AKNAD1: variants seen among roughly 807,000 people sequenced by gnomAD.
AKNAD1 encodes AKNA domain containing 1.
A neutral mutation model predicts 90.8 loss-of-function variants in AKNAD1; 67 were observed. That is an observed-to-expected ratio of 0.74 (90% confidence interval 0.61 to 0.90). The LOEUF is 0.90. Ranked by LOEUF, AKNAD1 falls within the 40% of genes least tolerant of loss-of-function variation. AKNAD1 has a pLI of 0.00. For synonymous variants in AKNAD1, 327 were observed against 341.4 expected, an observed-to-expected ratio of 0.96 and a Z score of 0.46; for missense variants, 957 against 975.4, an observed-to-expected ratio of 0.98 and a Z score of 0.25.
rs746242546 is a variant in AKNAD1, at chr1:108,834,985, G to T, written c.1608C>A (p.Pro536=). 4.5e-6 allele frequency: 7 copies of T among 1,563,708 alleles called. No individual in the cohort carries two copies. The South Asian group carries it at 7.1e-5, about 16-fold the overall frequency. ...TGGGGGCCTCCTGCGGCCCTCCTTG[G>T]GGTGTCCCTGTTACCTCACTCCCAC... ...GSGGSEVTGT[P]QGGPQEAPNE... Residue 536 remains proline (P), a synonymous_variant, in exon 8 of 16, where the codon CCC becomes CCA. Transcript: ENST00000370001.
chr1:108,851,572 T>G (rs1664863523), intron 2 of AKNAD1, 100 bp downstream of exon 2: 3 of 1,215,184 alleles, frequency 2.5e-6, no homozygotes, highest in Non-Finnish European at 3.4e-6. Context: ...AATGAAACTT[T>G]GGAACTAGAA....
chr1:108,817,026 G>A (rs1663633918), intron 15 of AKNAD1, 22 bp downstream of exon 15: 1 of 1,612,764 alleles, frequency 6.2e-7, no homozygotes, highest in African/African-American at 1.3e-5. Context: ...AATGCTTCTC[G>A]AATGATTTTC....
chr1:108,836,295 G>T (rs182581063), intron 7 of AKNAD1, among the ~76,000 whole-genome samples: 87 of 152,316 alleles, frequency 5.7e-4, no homozygotes, highest in African/African-American at 1.7e-3. Flanking sequence ...AACTGCTTGG[G>T]TGCCTTGAGA....
upstream of AKNAD1, chr1:108,857,575 C>T (rs1288901509): frequency 1.3e-5 from 2 of 152,660 alleles, no homozygotes; most frequent in African/African-American, 2.4e-5. Context: ...GGATTGTTTT[C>T]ATCACCAAAG....
At chr1:108,857,796 C>A (rs564196668), upstream of AKNAD1, among the ~76,000 whole-genome samples, 79 of 152,344 alleles carry the variant, frequency 5.2e-4, no homozygotes, top group Non-Finnish European at 9.3e-4. Flanking sequence ...ACAAGTCCTA[C>A]ACTTCTAAGA....
At chr1:108,840,523 ATTATAAAGT>A (rs1470976281) in intron 6 of AKNAD1, among the ~76,000 whole-genome samples, 1 of 152,248 alleles carries the variant, frequency 6.6e-6, no homozygotes, top group Non-Finnish European at 1.5e-5. Flanking sequence ...TGGTGAGCTG[ATTATAAAGT>A]TTATTAGTAA....
chr1:108,838,222 G>A (rs907043426), intron 6 of AKNAD1, among the ~76,000 whole-genome samples: 3 of 151,408 alleles, frequency 2.0e-5, no homozygotes, highest in Non-Finnish European at 2.9e-5. Flanking sequence ...AATTTACCTC[G>A]TAACAGTCCA....
intron 10 of AKNAD1, among the ~76,000 whole-genome samples, chr1:108,828,985 C>T (rs1334575800): frequency 6.6e-6 from 1 of 151,796 alleles, no homozygotes; most frequent in Non-Finnish European, 1.5e-5. Flanking sequence ...GCATATTTTA[C>T]ATTTTATACA....
In AKNAD1 at chr1:108,852,170, G is replaced by T. The variant is rs753662116; in HGVS notation, c.495C>A (p.Thr165=). 6.2e-7 allele frequency: 1 copy of T among 1,613,734 alleles called. No individual in the cohort carries two copies. Among genetic ancestry groups the T allele is most frequent in the Non-Finnish European group, 8.5e-7 (1 of 1,179,984 alleles). ...YNKNSWPKEQ[T]PELTDQLNPK... is the part of the protein sequence containing the mutation. Reference sequence around the variant, plus strand: ...GGTTGAGTTGGTCAGTGAGTTCTGGGGTTTGTTCTTTTGGCCAAGAATTCT... The same window carrying T: ...GGTTGAGTTGGTCAGTGAGTTCTGGTGTTTGTTCTTTTGGCCAAGAATTCT... The change falls in exon 2 of 16, where the codon ACC becomes ACA. Residue 165 remains threonine (T), a synonymous_variant. Transcript: ENST00000370001.
chr1:108,817,455 C>T (rs1570786855), intron 14 of AKNAD1: 1 of 219,520 alleles, frequency 4.6e-6, no homozygotes, highest in Non-Finnish European at 8.6e-6. Context: ...TTTTTTATTC[C>T]GTTTTCATTC....
chr1:108,822,920 G>A, intron 13 of AKNAD1: 1 of 387,818 alleles, frequency 2.6e-6, no homozygotes, highest in Non-Finnish European at 4.6e-6. Context: ...TTTTTTCAAA[G>A]ACAGCAAATT....
At chr1:108,850,654 G>T (rs549454676) in intron 2 of AKNAD1, among the ~76,000 whole-genome samples, 1 of 151,722 alleles carries the variant, frequency 6.6e-6, no homozygotes, top group Non-Finnish European at 1.5e-5. Context: ...GAGAGAGAGA[G>T]AAAAATCACT....
At chr1:108,817,301 G>T in intron 14 of AKNAD1, 124 bp from the exon 15 acceptor site, 3 of 1,226,310 alleles carry the variant, frequency 2.4e-6, no homozygotes, top group Non-Finnish European at 2.2e-6. Context: ...TCGTGCACCC[G>T]CTGCCCTCCT....
In AKNAD1 at chr1:108,849,007, T is replaced by C; in HGVS notation, c.1087A>G (p.Thr363Ala). ...SKLSPTSQKGTSSSSSYIFQK... is the reference protein window; with the variant it reads ...SKLSPTSQKGASSSSSYIFQK... ...AATATGTAAGAAGAACTTGAGGAAG[T>C]GCCTTTCTGAGAGGTTGGTGACAAC... The change falls in exon 4 of 16, where the codon ACT becomes GCT. Residue 363 changes from threonine to alanine, a missense_variant. Coordinates refer to ENST00000370001, the MANE Select transcript of AKNAD1 (RefSeq NM_152763.5). 2 of 1,611,142 alleles carry C rather than the reference T, an allele frequency of 1.2e-6. No individual in the cohort carries two copies.
intron 9 of AKNAD1, among the ~76,000 whole-genome samples, chr1:108,832,114 A>C (rs1304593729): frequency 6.6e-6 from 1 of 151,176 alleles, no homozygotes; most frequent in Non-Finnish European, 1.5e-5. Flanking sequence ...GAGTGATCTG[A>C]GGCCTGGCGG....
chr1:108,857,867 T>C (rs12741359), upstream of AKNAD1, among the ~76,000 whole-genome samples: 13,753 of 152,330 alleles, frequency 0.09, 706 homozygotes, highest in Non-Finnish European at 0.1. Context: ...TTCAACAATC[T>C]AAATTCTGAT....
Position 108,852,459 on chromosome 1 carries a change from A to C in AKNAD1, c.206T>G (p.Val69Gly). The C allele has an allele frequency of 6.2e-7, 1 of 1,613,758 alleles. No individual in the cohort carries two copies. Residue 69 changes from valine (V) to glycine (G), a missense_variant, in exon 2 of 16, where the codon GTG (valine) becomes GGG (glycine). Transcript: ENST00000370001. ...AGTAATTTTACCCAGGGGTATGGTC[A>C]CAGCTGTATTTCCACAAGTCTCACT... ...MHSETCGNTA[V>G]TIPLGKITEN...
chr1:108,816,925 G>GT (rs1663630990), intron 15 of AKNAD1, 123 bp downstream of exon 15: 1 of 1,180,484 alleles, frequency 8.5e-7, no homozygotes, highest in Admixed American at 2.2e-5. Flanking sequence ...GCACAAAATT[G>GT]TCTTTAGCAG....
rs745826129 is a variant in AKNAD1 at position 108,843,222 on chromosome 1, A to G, written c.1291T>C (p.Phe431Leu). 3.7e-6 allele frequency: 6 copies of G among 1,614,074 alleles called. No homozygotes were observed. Among genetic ancestry groups the G allele is most frequent in the Non-Finnish European group, 4.2e-6 (5 of 1,180,050 alleles). Residue 431 changes from phenylalanine (F) to leucine (L), a missense_variant, in exon 6 of 16, where the codon TTT (phenylalanine) becomes CTT (leucine). By Grantham distance (22) the Phe-to-Leu change is conservative (BLOSUM62 0). Transcript: ENST00000370001. ...QGHLELLEQNFLATKDKHLTL... is the reference protein window; with the variant it reads ...QGHLELLEQNLLATKDKHLTL... ...AGATGCTTGTCCTTGGTGGCCAGAA[A>G]GTTCTGCTCCAGCAGTTCAAGGTGT...
Sources: gnomAD v4.1 joint callset for allele counts (sites outside exome capture counted in the v4.1 genomes callset) on GRCh38, gnomAD v4.1.1 for gene constraint, MANE v1.5 for transcripts, NCBI Gene and HGNC (gene_info 2026-07-23, HGNC 2026-07-21) for gene names.